Variants in CRYL1 observed in about 807,000 individuals in gnomAD.
CRYL1 encodes lambda-crystallin homolog.
In CRYL1, 29 loss-of-function variants were observed where a neutral mutation model predicts 36.6. That is an observed-to-expected ratio of 0.79 (90% CI 0.59 to 1.08). The LOEUF is 1.08. CRYL1 is among the 50% of genes least tolerant of loss of function. CRYL1 has a pLI of 0.00. For missense variants in CRYL1, 411 were observed against 407.9 expected, an observed-to-expected ratio of 1.01 and a Z score of -0.06; for synonymous variants, 152 against 151.5, an observed-to-expected ratio of 1.00 and a Z score of -0.02.
At chr13:20,464,656 T>G (rs2032896902) in intron 3 of CRYL1, among the ~76,000 whole-genome samples, 2 of 152,206 alleles carry the variant, frequency 1.3e-5, no homozygotes, top group African/African-American at 4.8e-5. Flanking sequence ...TAGTGGGCTG[T>G]TTGTATCCTT....
chr13:20,473,249 G>A (rs1026284031), intron 3 of CRYL1, among the ~76,000 whole-genome samples: 2 of 152,228 alleles, frequency 1.3e-5, no homozygotes, highest in African/African-American at 2.4e-5. Context: ...CAGGAGTGGC[G>A]GGGAGACCCG....
At chr13:20,502,406 A>G (rs894819930) in intron 2 of CRYL1, 1 of 152,294 alleles carries the variant, frequency 6.6e-6, no homozygotes, top group Non-Finnish European at 1.5e-5. Context: ...TAATCCCAGC[A>G]CTTTGGGAGG....
At chr13:20,442,228 A>G (rs1396889564) in intron 3 of CRYL1, among the ~76,000 whole-genome samples, 3 of 152,234 alleles carry the variant, frequency 2.0e-5, no homozygotes, top group East Asian at 1.9e-4. Flanking sequence ...ATTATCAAAG[A>G]GGCAAGAAAA....
At chr13:20,507,733 A>G (rs377741675) in intron 2 of CRYL1, among the ~76,000 whole-genome samples, 6 of 152,016 alleles carry the variant, frequency 3.9e-5, no homozygotes, top group Non-Finnish European at 7.4e-5. Flanking sequence ...CCTGGCTAAC[A>G]CAGTGAAACC....
At chr13:20,504,507 C>T (rs1001962476) in intron 2 of CRYL1, among the ~76,000 whole-genome samples, 2 of 151,710 alleles carry the variant, frequency 1.3e-5, no homozygotes, top group South Asian at 2.1e-4. Flanking sequence ...GGTTTTACTA[C>T]GTTGGCCAGG....
At chr13:20,457,521 A>G (rs950391703) in intron 3 of CRYL1, among the ~76,000 whole-genome samples, 4 of 152,258 alleles carry the variant, frequency 2.6e-5, no homozygotes. Flanking sequence ...GATGAAATAC[A>G]GTACTCATTC....
At chr13:20,439,553 AGATG>A in intron 4 of CRYL1, 36 bp downstream of exon 4, 1 of 1,325,938 alleles carries the variant, frequency 7.5e-7, no homozygotes, top group East Asian at 2.5e-5. Flanking sequence ...ACACAGAATG[AGATG>A]AGATACAATC....
chr13:20,492,286 CGTGTCAAAT>C, intron 2 of CRYL1, among the ~76,000 whole-genome samples: 1 of 152,294 alleles, frequency 6.6e-6, no homozygotes, highest in East Asian at 1.9e-4. Context: ...CTGAATTGGA[CGTGTCAAAT>C]GAGTCAATTG....
intron 3 of CRYL1, among the ~76,000 whole-genome samples, chr13:20,469,860 G>A (rs1020470598): frequency 9.2e-5 from 14 of 152,160 alleles, no homozygotes; most frequent in African/African-American, 2.2e-4. Context: ...GATGGACTAC[G>A]ACCAGGTAAG....
intron 5 of CRYL1, among the ~76,000 whole-genome samples, chr13:20,417,465 T>C (rs2031699594): frequency 6.6e-6 from 1 of 152,188 alleles, no homozygotes; most frequent in African/African-American, 2.4e-5. Flanking sequence ...TCTGTTAACA[T>C]TGATCAGTTT....
intron 2 of CRYL1, among the ~76,000 whole-genome samples, chr13:20,505,270 T>A (rs2033772315): frequency 1.3e-5 from 2 of 150,518 alleles, no homozygotes; most frequent in South Asian, 4.2e-4. Context: ...AGGAGGAGAA[T>A]TGCTTGAACC....
intron 6 of CRYL1, among the ~76,000 whole-genome samples, chr13:20,406,613 C>G (rs536229672): frequency 3.2e-4 from 49 of 152,230 alleles, no homozygotes; most frequent in African/African-American, 1.2e-3. Flanking sequence ...CAGAAAACAA[C>G]CTACACATTT....
chr13:20,439,542 A>AAACAC, intron 4 of CRYL1, 51 bp downstream of exon 4: 2 of 1,397,542 alleles, frequency 1.4e-6, no homozygotes, highest in East Asian at 2.4e-5. Context: ...AAAAAAAAAA[A>AAACAC]ACACAGAATG....
intron 2 of CRYL1, among the ~76,000 whole-genome samples, chr13:20,501,748 G>A (rs2033708116): frequency 6.6e-6 from 1 of 152,268 alleles, no homozygotes; most frequent in South Asian, 2.1e-4. Flanking sequence ...TTATGGGATG[G>A]CTGTGTTGTG....
rs2032183736 is a variant in CRYL1 at position 20,435,282 on chromosome 13, T to C, written c.439-2986A>G. Among the ~76,000 whole-genome samples the C allele has an allele frequency of 6.6e-6, 1 of 152,204 alleles. No homozygotes were observed. The highest frequency in any genetic ancestry group is 2.4e-5 in the African/African-American group (1 of 41,448). The stretch of plus-strand genomic sequence containing the variant: ...AAAACAGGACTTTGATCATGCCTTC[T>C]CCAACGAAAAATCTTGAAGGGCTGC... On this transcript the variant is annotated intron_variant, in intron 4 of 7. Coordinates refer to ENST00000298248, the MANE Select transcript of CRYL1 (RefSeq NM_015974.3). The surrounding 1 kb of genome is among the most constrained non-coding windows in gnomAD (Gnocchi z 4.0).
intron 3 of CRYL1, among the ~76,000 whole-genome samples, chr13:20,470,910 C>CAAAAAA (rs11353451): frequency 9.8e-5 from 4 of 40,892 alleles, no homozygotes; most frequent in African/African-American, 1.7e-4. Context: ...AACTCCATCT[C>CAAAAAA]AAAAAAAAAA....
At chr13:20,408,766 A>G (rs1056155734) in intron 6 of CRYL1, among the ~76,000 whole-genome samples, 1 of 152,150 alleles carries the variant, frequency 6.6e-6, no homozygotes, top group Non-Finnish European at 1.5e-5. Flanking sequence ...CAAAGAGAAT[A>G]AAATACCTAG....
intron 2 of CRYL1, among the ~76,000 whole-genome samples, chr13:20,503,293 T>C (rs2033735942): frequency 6.6e-6 from 1 of 152,178 alleles, no homozygotes; most frequent in South Asian, 2.1e-4. Flanking sequence ...GCCACTGCCA[T>C]GAACTTTGGG....
intron 3 of CRYL1, among the ~76,000 whole-genome samples, chr13:20,454,251 G>A (rs527297344): frequency 1.9e-4 from 29 of 152,066 alleles, no homozygotes; most frequent in African/African-American, 4.6e-4. Flanking sequence ...AGGATAGTGC[G>A]TTATGACCAA....
Sources: allele counts gnomAD v4.1 joint callset (sites outside exome capture counted in the v4.1 genomes callset), GRCh38; gene constraint gnomAD v4.1.1; non-coding constraint Gnocchi (gnomAD v3.1); transcripts MANE v1.5; gene names NCBI Gene and HGNC (gene_info 2026-07-23, HGNC 2026-07-21).